The following ZFR variants were observed in gnomAD, a reference collection of about 807,000 sequenced individuals.
ZFR encodes the protein zinc finger RNA-binding protein.
ZFR carries 19 observed loss-of-function variants against 130.7 expected under a neutral mutation model. The observed-to-expected ratio is 0.15, with a 90% confidence interval of 0.10 to 0.21. The LOEUF (loss-of-function observed/expected upper bound fraction) is 0.21, where lower values mean the gene tolerates loss of function less well. Among genes scored for constraint, ZFR ranks in the 10% least tolerant of loss-of-function variants. The pLI is 1.00. For missense variants in ZFR, 872 were observed against 1,321.5 expected, an observed-to-expected ratio of 0.66 and a Z score of 5.27; for synonymous variants, 466 against 456.9, an observed-to-expected ratio of 1.02 and a Z score of -0.25.
chr5:32,378,844 A>G (rs578123080), intron 17 of ZFR, among the ~76,000 whole-genome samples: 5 of 147,188 alleles, frequency 3.4e-5, no homozygotes, highest in Non-Finnish European at 7.4e-5. Context: ...TGTAAAAGCC[A>G]ACTAATAAAT....
At chr5:32,359,480 G>C (rs1365040595) in intron 19 of ZFR, among the ~76,000 whole-genome samples, 2 of 152,180 alleles carry the variant, frequency 1.3e-5, no homozygotes, top group Admixed American at 6.5e-5. Flanking sequence ...CTTTCAGCCA[G>C]AAGAATGTGG....
Position 32,444,735 on chromosome 5 carries a change from G to C in ZFR, c.-77C>G. ...CTCTGCCCCGCTCCTCCTCAGCGGAGAACAGACCGCCGCCTCCGACCGCAC... is the reference window on the plus strand; with the variant it reads ...CTCTGCCCCGCTCCTCCTCAGCGGACAACAGACCGCCGCCTCCGACCGCAC... On this transcript the variant is annotated 5_prime_UTR_variant, in exon 1 of 20. Coordinates refer to ENST00000265069, the MANE Select transcript of ZFR (RefSeq NM_016107.5). 2 of 1,481,764 alleles carry C rather than the reference G, an allele frequency of 1.3e-6. No individual in the cohort carries two copies. Among genetic ancestry groups the C allele is most frequent in the South Asian group, 1.3e-5 (1 of 75,920 alleles). The allele number at this position is 1,481,764 out of a possible 1,614,324, so 91.8% of individuals were successfully genotyped here. A position where few individuals can be genotyped will look rare whatever the true frequency, so the allele number is the denominator to read the frequency against.
At chr5:32,411,136 G>A (rs1753695846) in intron 5 of ZFR, among the ~76,000 whole-genome samples, 5 of 152,188 alleles carry the variant, frequency 3.3e-5, no homozygotes, top group Non-Finnish European at 7.3e-5. Context: ...TGGCTCCTGT[G>A]TGACATGGCT....
intron 4 of ZFR, among the ~76,000 whole-genome samples, chr5:32,417,294 T>C (rs1753849537): frequency 6.6e-6 from 1 of 152,094 alleles, no homozygotes; most frequent in Non-Finnish European, 1.5e-5. Context: ...TATGGGCCCA[T>C]TAAAGGGTCT....
chr5:32,391,906 G>A (rs780707231), intron 11 of ZFR, among the ~76,000 whole-genome samples: 27 of 151,928 alleles, frequency 1.8e-4, no homozygotes, highest in Non-Finnish European at 2.9e-4. Context: ...GCTAATTTTC[G>A]TATTTTTTGT....
chr5:32,378,574 T>C (rs1025367953), intron 17 of ZFR, among the ~76,000 whole-genome samples: 21 of 152,150 alleles, frequency 1.4e-4, no homozygotes, highest in Admixed American at 3.9e-4. Context: ...TAGAAACATA[T>C]ACTGTATATA....
At chr5:32,387,755 A>ATTC in intron 13 of ZFR, 56 bp from the exon 14 acceptor site, 1 of 1,524,232 alleles carries the variant, frequency 6.6e-7, no homozygotes, top group African/African-American at 1.4e-5. Context: ...GAAGCATGAT[A>ATTC]TTCTGTAAAC....
At chr5:32,381,265 C>A (rs977541204) in intron 15 of ZFR, among the ~76,000 whole-genome samples, 2 of 152,066 alleles carry the variant, frequency 1.3e-5, no homozygotes, top group African/African-American at 4.8e-5. Context: ...ATTAATATAT[C>A]ATTCATAAAA....
chr5:32,396,730 C>A (rs1231133937), intron 10 of ZFR, among the ~76,000 whole-genome samples: 2 of 151,654 alleles, frequency 1.3e-5, no homozygotes, highest in African/African-American at 4.9e-5. Flanking sequence ...GGCTACAGAG[C>A]GAGACTCCAT....
rs1450255463 is a variant in ZFR at position 32,354,752 on chromosome 5, ATC to A, written c.*1006_*1007del. The A allele has an allele frequency of 1.3e-5, 2 of 152,592 alleles. No individual in the cohort carries two copies. The highest frequency in any genetic ancestry group is 4.8e-5 in the African/African-American group (2 of 41,436). 9.5% of individuals were successfully genotyped at this position (152,592 alleles called of 1,614,324 possible). ...TTATACTGTAATAGTTGCTAGAGTA[ATC>A]TCACACACACCAATAAGGAACTGTC... is the stretch of plus-strand genomic sequence containing the variant. On this transcript the variant is annotated 3_prime_UTR_variant, in exon 20 of 20. Coordinates refer to ENST00000265069, the MANE Select transcript of ZFR (RefSeq NM_016107.5).
chr5:32,392,766 G>A (rs1251670227), intron 11 of ZFR, among the ~76,000 whole-genome samples: 2 of 152,094 alleles, frequency 1.3e-5, no homozygotes, highest in Admixed American at 1.3e-4. Flanking sequence ...AGACCGAGGC[G>A]GGCAGATCAC....
At chr5:32,443,309 G>T (rs994429339) in intron 2 of ZFR, among the ~76,000 whole-genome samples, 5 of 152,198 alleles carry the variant, frequency 3.3e-5, no homozygotes, top group African/African-American at 2.4e-5. Flanking sequence ...GATGTATAAT[G>T]AACTACAGAC....
At chr5:32,369,019 T>C (rs542500169) in intron 17 of ZFR, among the ~76,000 whole-genome samples, 71 of 152,348 alleles carry the variant, frequency 4.7e-4, no homozygotes, top group South Asian at 3.1e-3. Flanking sequence ...TTTTGTAATA[T>C]ATTTACTCAC....
Position 32,404,047 on chromosome 5 carries a change from T to C in ZFR, c.1083A>G (p.Ala361=), listed in dbSNP as rs747122377. ...EGQKHKKKEA[A]LKASQNTSSS... ...TGCTGGTATTTTGTGAGGCTTTCAA[T>C]GCAGCTTCTTTTTTTTTATGTTTCT... is the stretch of plus-strand genomic sequence containing the variant. The change falls in exon 7 of 20, where the codon GCA becomes GCG. Residue 361 remains alanine, a synonymous_variant. Coordinates refer to ENST00000265069, the MANE Select transcript of ZFR (RefSeq NM_016107.5). The C allele has an allele frequency of 1.3e-5, 21 of 1,613,056 alleles. No individual in the cohort carries two copies. The South Asian group carries it at 1.4e-4, about 11-fold the overall frequency.
intron 4 of ZFR, among the ~76,000 whole-genome samples, chr5:32,416,117 T>C (rs1248311814): frequency 2.6e-5 from 4 of 152,208 alleles, no homozygotes; most frequent in South Asian, 2.1e-4. Flanking sequence ...CTTATGAAAT[T>C]TGATCCATGT....
intron 5 of ZFR, among the ~76,000 whole-genome samples, chr5:32,409,894 C>A (rs1014032224): frequency 6.6e-6 from 1 of 151,848 alleles, no homozygotes; most frequent in African/African-American, 2.4e-5. Flanking sequence ...CCCAGCTACT[C>A]AGGAGGCTGA....
chr5:32,438,335 CT>C (rs1754389344), intron 2 of ZFR, among the ~76,000 whole-genome samples: 5 of 139,320 alleles, frequency 3.6e-5, no homozygotes, highest in Non-Finnish European at 7.5e-5. Flanking sequence ...GCGATCTTGG[CT>C]CACCGCAACC....
intron 17 of ZFR, among the ~76,000 whole-genome samples, chr5:32,370,089 ATTTTTT>A (rs933446377): frequency 8.2e-6 from 1 of 121,944 alleles, no homozygotes; most frequent in Non-Finnish European, 1.7e-5. Context: ...ACAGTGGCAG[ATTTTTT>A]TTTTTTTTTT....
intron 17 of ZFR, among the ~76,000 whole-genome samples, chr5:32,365,978 A>G (rs1281731847): frequency 2.0e-5 from 3 of 152,168 alleles, no homozygotes; most frequent in Non-Finnish European, 4.4e-5. Flanking sequence ...AGTCATCTAG[A>G]AAACTCTATG....
Sources: gnomAD v4.1 joint callset for allele counts (sites outside exome capture counted in the v4.1 genomes callset) on GRCh38, gnomAD v4.1.1 for gene constraint, MANE v1.5 for transcripts, NCBI Gene and HGNC (gene_info 2026-07-23, HGNC 2026-07-21) for gene names.